KLF11: variants seen among roughly 807,000 people sequenced by gnomAD.
KLF11 encodes KLF transcription factor 11.
A neutral mutation model predicts 29.9 loss-of-function variants in KLF11; 26 were observed. The observed-to-expected ratio is 0.87, with a 90% CI of 0.64 to 1.21. The LOEUF (loss-of-function observed/expected upper bound fraction) is 1.21. Ranked by LOEUF, KLF11 falls within the 50% of genes most tolerant of loss-of-function variation. KLF11 has a pLI of 0.00. For synonymous variants in KLF11, 318 were observed against 257.4 expected (o/e 1.24, Z -2.25); for missense variants, 778 against 665.7 (o/e 1.17, Z -1.86).
Position 10,043,616 on chromosome 2 carries a change from C to A in KLF11, c.-101C>A. 1.2e-6 allele frequency: 1 copy of A among 828,846 alleles called. No individual in the cohort carries two copies. The highest frequency in any genetic ancestry group is 1.4e-6 in the Non-Finnish European group (1 of 690,560). 51.3% of individuals were successfully genotyped at this position (828,846 alleles called of 1,614,324 possible). On this transcript the variant is annotated 5_prime_UTR_variant, in exon 1 of 4. Coordinates refer to ENST00000305883, the MANE Select transcript of KLF11 (RefSeq NM_003597.5). ...AGGCGCGTGCCGGCCGCAGGAGCTCCGGGTTGCCGCCGCCGCCGCCGCCCG... is the reference window on the plus strand; with the variant it reads ...AGGCGCGTGCCGGCCGCAGGAGCTCAGGGTTGCCGCCGCCGCCGCCGCCCG...
rs776316165 is a variant in KLF11, at chr2:10,048,462, C to A, written c.1125C>A (p.Phe375Leu). The A allele has an allele frequency of 1.9e-6, 3 of 1,614,134 alleles. No individual in the cohort carries two copies. Among genetic ancestry groups the A allele is most frequent in the Non-Finnish European group, 2.5e-6 (3 of 1,180,020 alleles). The stretch of plus-strand genomic sequence containing the variant: ...TGCCCCTTGCCCCTGCTCCAGTGTT[C>A]ATCACCTCTAGCCAAAACTGTGTCC... ...KLLPLAPAPV[F>L]ITSSQNCVPQ... Residue 375 changes from phenylalanine to leucine, a missense_variant, in exon 3 of 4, where the codon TTC (phenylalanine) becomes TTA (leucine). Coordinates refer to ENST00000305883, the MANE Select transcript of KLF11 (RefSeq NM_003597.5).
At chr2:10,046,991 A>G (rs1661227061) in intron 2 of KLF11, among the ~76,000 whole-genome samples, 1 of 152,226 alleles carries the variant, frequency 6.6e-6, no homozygotes, top group Non-Finnish European at 1.5e-5. Context: ...AATGTGAGAA[A>G]GTGAAATTTA....
At chr2:10,048,986 T>C (rs185957678) in intron 3 of KLF11, among the ~76,000 whole-genome samples, 6 of 151,814 alleles carry the variant, frequency 4.0e-5, no homozygotes, top group Admixed American at 1.3e-4. Context: ...GTGTGACTTA[T>C]GTTTATGTGA....
At chr2:10,049,143 C>T (rs541914327) in intron 3 of KLF11, among the ~76,000 whole-genome samples, 1 of 152,300 alleles carries the variant, frequency 6.6e-6, no homozygotes, top group East Asian at 1.9e-4. Flanking sequence ...TGTTGTCTAA[C>T]CAGCTCTGTC....
In KLF11 at chr2:10,046,221, C is replaced by T; in HGVS notation, c.114C>T (p.Ser38=). The change falls in exon 2 of 4, where the codon AGC becomes AGT. Residue 38 remains serine, a synonymous_variant. Coordinates refer to ENST00000305883, the MANE Select transcript of KLF11 (RefSeq NM_003597.5). ...KRHDSERSTC[S]ILEQTDMEAV... ...ATGACAGCGAAAGGTCTACTTGCAG[C>T]ATCTTGGAGCAGACAGACATGGAAG... The T allele has an allele frequency of 6.2e-7, 1 of 1,614,166 alleles. No homozygotes were observed. Among genetic ancestry groups the T allele is most frequent in the Non-Finnish European group, 8.5e-7 (1 of 1,180,026 alleles).
chr2:10,045,664 G>C (rs1461649970), intron 1 of KLF11, among the ~76,000 whole-genome samples: 1 of 152,234 alleles, frequency 6.6e-6, no homozygotes, highest in African/African-American at 2.4e-5. Context: ...GGAAGCCTAG[G>C]CGGAAGGCCC....
intron 2 of KLF11, 25 bp downstream of exon 2, chr2:10,046,444 C>T: frequency 1.9e-6 from 3 of 1,611,018 alleles, no homozygotes; most frequent in Non-Finnish European, 2.5e-6. Flanking sequence ...GAGGGAGGAG[C>T]GTTTTTGTGA....
At chr2:10,044,649 CTT>C (rs56067200) in intron 1 of KLF11, among the ~76,000 whole-genome samples, 7 of 139,952 alleles carry the variant, frequency 5.0e-5, no homozygotes, top group African/African-American at 5.3e-5. Context: ...GTTTCCTTTC[CTT>C]TTTTTTTTTT....
At chr2:10,046,770 G>A (rs565458622) in intron 2 of KLF11, among the ~76,000 whole-genome samples, 5 of 152,126 alleles carry the variant, frequency 3.3e-5, no homozygotes, top group Non-Finnish European at 7.4e-5. Flanking sequence ...TAGGAGAATC[G>A]CTTGAACCCG....
At position 10,052,314 on chromosome 2, in the gene KLF11, CA is replaced by C; in HGVS notation, c.1347del (p.Glu451ArgfsTer19). 6.2e-7 allele frequency: 1 copy of C among 1,614,176 alleles called. No homozygotes were observed. The highest frequency in any genetic ancestry group is 8.5e-7 in the Non-Finnish European group (1 of 1,180,044). On this transcript the variant is annotated frameshift_variant, in exon 4 of 4. Coordinates refer to ENST00000305883, the MANE Select transcript of KLF11 (RefSeq NM_003597.5). LOFTEE classifies it high-confidence loss of function. ...DELSRHRRTHTGEKKFVCPVC... is the reference protein window; with the variant it reads ...DELSRHRRTHXGEKKFVCPVC... ...CTGTCACGCCACCGCAGAACTCACA[CA>C]GGGGAGAAGAAGTTTGTGTGCCCGG...
At chr2:10,050,892 CTTTTTT>C (rs386389509) in intron 3 of KLF11, among the ~76,000 whole-genome samples, 50 of 54,818 alleles carry the variant, frequency 9.1e-4, no homozygotes, top group African/African-American at 1.4e-3. Context: ...TAGATGCTAC[CTTTTTT>C]TTTTTTTTTT....
intron 1 of KLF11, chr2:10,044,024 C>T (rs1316523413): frequency 8.3e-6 from 6 of 722,890 alleles, no homozygotes; most frequent in Non-Finnish European, 1.0e-5. Context: ...GCCCCGCTGG[C>T]CCCGCGGCTA....
At position 10,047,829 on chromosome 2, in the gene KLF11, C is replaced by T. The variant is rs1318031756; in HGVS notation, c.492C>T (p.Pro164=). 1 of 1,613,806 alleles carries T rather than the reference C, an allele frequency of 6.2e-7. No individual in the cohort carries two copies. The highest frequency in any genetic ancestry group is 8.5e-7 in the Non-Finnish European group (1 of 1,180,006). Residue 164 remains proline (P), a synonymous_variant, in exon 3 of 4, where the codon CCC becomes CCT. Coordinates refer to ENST00000305883, the MANE Select transcript of KLF11 (RefSeq NM_003597.5). ...GCTTGCTGGGTTTGGAGCCAGTGCC[C>T]AGCTCTCCCTGCAGGGCCAAGGGGA... ...ERGLLGLEPV[P]SSPCRAKGTS...
At chr2:10,043,788 A>G (rs1661070658) in intron 1 of KLF11, 30 bp downstream of exon 1, 2 of 1,355,448 alleles carry the variant, frequency 1.5e-6, no homozygotes, top group East Asian at 4.0e-5. Context: ...CGGCGGGACT[A>G]CTCGTCTGAG....
Position 10,048,205 on chromosome 2 carries a change from A to G in KLF11, c.868A>G (p.Ile290Val). The G allele has an allele frequency of 1.9e-6, 3 of 1,614,116 alleles. No homozygotes were observed. The highest frequency in any genetic ancestry group is 2.5e-6 in the Non-Finnish European group (3 of 1,179,998). The change falls in exon 3 of 4, where the codon ATC becomes GTC. Residue 290 changes from isoleucine to valine, a missense_variant. Physicochemically the swap from Ile to Val is conservative, Grantham distance 29. Transcript: ENST00000305883. ...TGCTCCCCCTGTCCTTTGCCAGATG[A>G]TCCCTGTGACTGGACAAAGTAGCAT... ...VPAPPVLCQM[I>V]PVTGQSSMLP... is the part of the protein sequence containing the mutation.
At chr2:10,049,874 C>T (rs1041028929) in intron 3 of KLF11, among the ~76,000 whole-genome samples, 20 of 152,062 alleles carry the variant, frequency 1.3e-4, no homozygotes, top group Admixed American at 7.9e-4. Flanking sequence ...TGTCAGGGAA[C>T]GGGTGTTTCT....
At position 10,048,612 on chromosome 2, in the gene KLF11, G is replaced by A; in HGVS notation, c.1258+17G>A. ...CTCACACAGGTAAGCGCTGGGGCAG[G>A]TGGGGCATTGGGCACACCAGACCCT... is the stretch of plus-strand genomic sequence containing the variant. On this transcript the variant is annotated intron_variant, in intron 3 of 3. Coordinates refer to ENST00000305883, the MANE Select transcript of KLF11 (RefSeq NM_003597.5). 1 of 1,573,932 alleles carries A rather than the reference G, an allele frequency of 6.4e-7. No homozygotes were observed. Among genetic ancestry groups the A allele is most frequent in the Non-Finnish European group, 8.6e-7 (1 of 1,156,108 alleles).
At chr2:10,045,234 T>G in intron 1 of KLF11, among the ~76,000 whole-genome samples, 1 of 152,108 alleles carries the variant, frequency 6.6e-6, no homozygotes, top group Non-Finnish European at 1.5e-5. Context: ...GAGACCAGCC[T>G]GGCCAACATG....
chr2:10,046,358 C>G lies in KLF11; in HGVS notation c.251C>G (p.Thr84Ser), dbSNP rs753330425. ...PVSDSGDVTTTVHMDAATPEL... is the reference protein window; with the variant it reads ...PVSDSGDVTTSVHMDAATPEL... ...TCTGACTCTGGGGATGTCACCACCA[C>G]TGTGCATATGGATGCAGCCACACCT... The change falls in exon 2 of 4, where the codon ACT becomes AGT. Residue 84 changes from threonine (T) to serine (S), a missense_variant. Transcript: ENST00000305883. The G allele has an allele frequency of 1.2e-6, 2 of 1,614,190 alleles. No homozygotes were observed. The highest frequency in any genetic ancestry group is 1.7e-6 in the Non-Finnish European group (2 of 1,180,036).
Sources: gnomAD v4.1 joint callset for allele counts (sites outside exome capture counted in the v4.1 genomes callset) on GRCh38, gnomAD v4.1.1 for gene constraint, MANE v1.5 for transcripts, NCBI Gene and HGNC (gene_info 2026-07-23, HGNC 2026-07-21) for gene names.